CMTM7: variants seen among roughly 807,000 people sequenced by gnomAD.
CMTM7 encodes the protein CKLF like MARVEL transmembrane domain containing 7.
CMTM7 carries 7 observed loss-of-function variants against 19.3 expected under a neutral mutation model. The observed-to-expected ratio is 0.36, with a 90% CI of 0.21 to 0.68. CMTM7 has a LOEUF of 0.68. CMTM7 is among the 30% of genes least tolerant of loss of function. The pLI is 0.60. For missense variants in CMTM7, 193 were observed against 232.6 expected (o/e 0.83, Z 1.11); for synonymous variants, 87 against 99.3 (o/e 0.88, Z 0.74).
chr3:32,452,245 G>T, intron 3 of CMTM7, 147 bp from the exon 4 acceptor site: 1 of 1,546,582 alleles, frequency 6.5e-7, no homozygotes, highest in Non-Finnish European at 8.7e-7. Flanking sequence ...CCTGATCCAG[G>T]ATGAGGTGGT....
At chr3:32,431,436 A>G (rs892451955) in intron 1 of CMTM7, among the ~76,000 whole-genome samples, 1 of 152,012 alleles carries the variant, frequency 6.6e-6, no homozygotes, top group African/African-American at 2.4e-5. Context: ...GAGACTTGAC[A>G]TGAGCAACAT....
At chr3:32,394,879 A>G (rs1446922303) in intron 1 of CMTM7, among the ~76,000 whole-genome samples, 1 of 151,098 alleles carries the variant, frequency 6.6e-6, no homozygotes, top group African/African-American at 2.4e-5. Flanking sequence ...TATTTTTAGT[A>G]GAGATGGGGT....
At chr3:32,400,399 C>CTTTTTTTT (rs11425160) in intron 1 of CMTM7, among the ~76,000 whole-genome samples, 4 of 116,570 alleles carry the variant, frequency 3.4e-5, no homozygotes, top group African/African-American at 1.0e-4. Flanking sequence ...TCTTCTTCTT[C>CTTTTTTTT]TTTTTTTTTT....
chr3:32,413,524 A>T (rs779385346), intron 1 of CMTM7, among the ~76,000 whole-genome samples: 1 of 152,208 alleles, frequency 6.6e-6, no homozygotes, highest in African/African-American at 2.4e-5. Flanking sequence ...ACTAATCTTC[A>T]TCTCCATTAT....
chr3:32,449,470 T>G lies in CMTM7; in HGVS notation c.350T>G (p.Leu117Ter). Reference sequence around the variant, plus strand: ...TGCCCCCAGGAACTTCTGCACTATTTAATCGGTACCCTGCTCCTCCTCATC... The same window carrying G: ...TGCCCCCAGGAACTTCTGCACTATTGAATCGGTACCCTGCTCCTCCTCATC... ...SWPLSELLHYLIGTLLLLIAS... is the reference protein window; with the variant it reads ...SWPLSELLHY The change falls in exon 3 of 5, where the codon TTA becomes TGA. Residue 117 changes from leucine (L) to a stop codon, truncating the protein, a stop_gained. Transcript: ENST00000334983. LOFTEE classifies it high-confidence loss of function. This position sits in a 1 kb window ranked among gnomAD's most constrained non-coding sequence, Gnocchi z 4.5. 1 of 1,614,044 alleles carries G rather than the reference T, an allele frequency of 6.2e-7. No individual in the cohort carries two copies. The highest frequency in any genetic ancestry group is 8.5e-7 in the Non-Finnish European group (1 of 1,179,886).
At position 32,454,466 on chromosome 3, in the gene CMTM7, C is replaced by T; in HGVS notation, c.*212C>T. On this transcript the variant is annotated 3_prime_UTR_variant, in exon 5 of 5. Transcript: ENST00000334983. ...TCTTCCTCCAGCCTTCCGGGGAGAA[C>T]ATCCCTCCCATTCTGGGAAAGGAAA... 4.2e-6 allele frequency: 3 copies of T among 707,304 alleles called. No homozygotes were observed. The highest frequency in any genetic ancestry group is 1.7e-5 in the African/African-American group (1 of 57,440). 43.8% of individuals were successfully genotyped at this position (707,304 alleles called of 1,614,324 possible).
At chr3:32,421,077 A>G (rs1474328433) in intron 1 of CMTM7, among the ~76,000 whole-genome samples, 1 of 149,470 alleles carries the variant, frequency 6.7e-6, no homozygotes, top group East Asian at 2.0e-4. Flanking sequence ...TCTCCCACCC[A>G]GCTCCTCTCC....
intron 1 of CMTM7, among the ~76,000 whole-genome samples, chr3:32,436,021 G>A (rs575606340): frequency 2.0e-5 from 3 of 152,270 alleles, no homozygotes; most frequent in South Asian, 4.2e-4. Context: ...CTGGTTTTCG[G>A]TATGCTGCAA....
chr3:32,434,809 A>C (rs1696572810), intron 1 of CMTM7, among the ~76,000 whole-genome samples: 2 of 152,184 alleles, frequency 1.3e-5, no homozygotes, highest in African/African-American at 4.8e-5. Context: ...TTAGAATATA[A>C]AGAGTTCTTT....
At chr3:32,393,316 C>A (rs1244168694) in intron 1 of CMTM7, among the ~76,000 whole-genome samples, 1 of 152,204 alleles carries the variant, frequency 6.6e-6, no homozygotes, top group Non-Finnish European at 1.5e-5. Context: ...ACAAAAAAAT[C>A]TGGTGCTGAG....
At chr3:32,429,186 C>G (rs1696476923) in intron 1 of CMTM7, among the ~76,000 whole-genome samples, 1 of 152,190 alleles carries the variant, frequency 6.6e-6, no homozygotes, top group Non-Finnish European at 1.5e-5. Flanking sequence ...ACAACTTCCT[C>G]TCATGCCTTT....
At chr3:32,407,553 T>C (rs1696107580) in intron 1 of CMTM7, among the ~76,000 whole-genome samples, 1 of 152,172 alleles carries the variant, frequency 6.6e-6, no homozygotes, top group African/African-American at 2.4e-5. Flanking sequence ...ATCAGATATT[T>C]GATTTCTGGA....
At chr3:32,422,035 A>G (rs1319509400) in intron 1 of CMTM7, among the ~76,000 whole-genome samples, 6 of 152,092 alleles carry the variant, frequency 3.9e-5, no homozygotes, top group Admixed American at 2.0e-4. Flanking sequence ...GTTGCTAGCC[A>G]TGCTTTATTG....
intron 1 of CMTM7, among the ~76,000 whole-genome samples, chr3:32,416,839 G>C (rs1271390387): frequency 6.6e-6 from 1 of 151,348 alleles, no homozygotes; most frequent in Non-Finnish European, 1.5e-5. Context: ...GTCAGAGAAA[G>C]TCATTTCTAT....
chr3:32,442,139 C>T, intron 2 of CMTM7, 126 bp downstream of exon 2: 1 of 819,830 alleles, frequency 1.2e-6, no homozygotes, highest in Non-Finnish European at 1.9e-6. Flanking sequence ...GCTGCCTCTG[C>T]CCTGAATTTC....
In CMTM7 at chr3:32,441,956, C is replaced by T; in HGVS notation, c.276C>T (p.Tyr92=). 6.2e-7 allele frequency: 1 copy of T among 1,614,192 alleles called. No individual in the cohort carries two copies. Among genetic ancestry groups the T allele is most frequent in the Non-Finnish European group, 8.5e-7 (1 of 1,180,022 alleles). Residue 92 remains tyrosine, a synonymous_variant, in exon 2 of 5, where the codon TAC becomes TAT. Transcript: ENST00000334983. ...ACTTGATAATGATCCTCGCCTTTTA[C>T]CTGGTCCACCTCTTCCGCTTCTACC... The part of the protein sequence containing the change: ...ICDLIMILAF[Y]LVHLFRFYRV...
At chr3:32,432,951 C>T (rs1427535592) in intron 1 of CMTM7, among the ~76,000 whole-genome samples, 1 of 152,174 alleles carries the variant, frequency 6.6e-6, no homozygotes, top group African/African-American at 2.4e-5. Flanking sequence ...CAGCCCCGTC[C>T]TTTCGCTCCC....
intron 3 of CMTM7, among the ~76,000 whole-genome samples, chr3:32,450,647 C>T (rs187283198): frequency 3.9e-5 from 6 of 152,250 alleles, no homozygotes; most frequent in Non-Finnish European, 8.8e-5. Context: ...CTCTCTGCCC[C>T]CTCTCTCTGC....
intron 3 of CMTM7, 159 bp from the exon 4 acceptor site, chr3:32,452,233 C>A: frequency 2.0e-6 from 3 of 1,529,258 alleles, no homozygotes; most frequent in South Asian, 2.4e-5. Flanking sequence ...TTCCTCTCTG[C>A]ACCTGATCCA....
Sources: allele counts gnomAD v4.1 joint callset (sites outside exome capture counted in the v4.1 genomes callset), GRCh38; gene constraint gnomAD v4.1.1; non-coding constraint Gnocchi (gnomAD v3.1); transcripts MANE v1.5; gene names NCBI Gene and HGNC (gene_info 2026-07-23, HGNC 2026-07-21).